The following PCDH7 variants were observed in gnomAD, a reference collection of about 807,000 sequenced individuals.
PCDH7 encodes protocadherin 7.
In PCDH7, 17 loss-of-function variants were observed where a neutral mutation model predicts 58.9. The ratio of observed to expected loss-of-function variants is 0.29; its 90% CI spans 0.20 to 0.43. The LOEUF (loss-of-function observed/expected upper bound fraction) is 0.43, where lower values mean the gene tolerates loss of function less well. Ranked by LOEUF, PCDH7 falls within the 20% of genes least tolerant of loss-of-function variation. The pLI, the probability that PCDH7 is intolerant of heterozygous loss-of-function variation, is 1.00. For missense variants in PCDH7, 1,274 were observed against 1,441.0 expected, an observed-to-expected ratio of 0.88 and a Z score of 1.88; for synonymous variants, 664 against 616.4, an observed-to-expected ratio of 1.08 and a Z score of -1.14.
Position 31,139,286 on chromosome 4 carries a change from A to C in PCDH7, c.*8-3187A>C, listed in dbSNP as rs2310307. 6.6e-3 allele frequency among the ~76,000 whole-genome samples: 1,011 copies of C among 152,312 alleles called. 15 individuals carry two copies. The highest frequency in any genetic ancestry group is 0.023 in the African/African-American group (967 of 41,582). ...GTGGAAAATGCTTACAGAGAATACT[A>C]TTTTATTTTCCTGTTGTTCATTTGT... On this transcript the variant is annotated intron_variant, in intron 3 of 3. Coordinates refer to the PCDH7 transcript ENST00000509759.
chr4:31,028,612 C>T (rs752278579), intron 3 of PCDH7, among the ~76,000 whole-genome samples: 2 of 150,700 alleles, frequency 1.3e-5, no homozygotes, highest in Non-Finnish European at 2.9e-5. Context: ...GAGGTCTTAT[C>T]GCACTACTTC....
At chr4:31,008,722 A>G (rs1411906976) in intron 3 of PCDH7, among the ~76,000 whole-genome samples, 1 of 152,086 alleles carries the variant, frequency 6.6e-6, no homozygotes, top group East Asian at 1.9e-4. Flanking sequence ...ATACCCACAG[A>G]TTGCCTGCCA....
intron 3 of PCDH7, among the ~76,000 whole-genome samples, chr4:30,979,702 T>G (rs934045966): frequency 6.6e-6 from 1 of 151,994 alleles, no homozygotes; most frequent in Admixed American, 6.6e-5. Context: ...CACTTAGATG[T>G]TTTTTGATTT....
intron 3 of PCDH7, among the ~76,000 whole-genome samples, chr4:31,097,373 G>A (rs754333374): frequency 6.6e-6 from 1 of 151,168 alleles, no homozygotes; most frequent in Admixed American, 6.6e-5. Context: ...AGAATCTCTT[G>A]AACCTGGAAG....
intron 3 of PCDH7, among the ~76,000 whole-genome samples, chr4:30,996,073 A>T (rs1267579140): frequency 6.6e-6 from 1 of 152,180 alleles, no homozygotes; most frequent in Non-Finnish European, 1.5e-5. Flanking sequence ...TTCACATCGA[A>T]TTAAATATAT....
chr4:30,917,227 ACT>A (rs1430957837), intron 1 of PCDH7, among the ~76,000 whole-genome samples: 1 of 151,682 alleles, frequency 6.6e-6, no homozygotes, highest in Admixed American at 6.6e-5. Flanking sequence ...ATTTCATCTA[ACT>A]CTGTATGTCT....
At chr4:31,145,763 C>T (rs887309789), downstream of PCDH7, 2 of 151,946 alleles carry the variant, frequency 1.3e-5, no homozygotes, top group African/African-American at 2.4e-5. Context: ...AAGATGAAAG[C>T]GTTTATTGTA....
intron 1 of PCDH7, among the ~76,000 whole-genome samples, chr4:30,879,720 C>T (rs575440875): frequency 3.9e-5 from 6 of 152,028 alleles, no homozygotes; most frequent in Non-Finnish European, 8.8e-5. Context: ...CATAACCCTG[C>T]CACTTGCAGA....
intron 3 of PCDH7, among the ~76,000 whole-genome samples, chr4:31,141,782 A>G (rs1366757119): frequency 6.6e-6 from 1 of 152,142 alleles, no homozygotes; most frequent in Admixed American, 6.6e-5. Context: ...TTTGATGTGA[A>G]CACATCAGCA....
At chr4:30,824,132 T>G (rs905415408) in intron 1 of PCDH7, among the ~76,000 whole-genome samples, 5 of 148,568 alleles carry the variant, frequency 3.4e-5, no homozygotes, top group African/African-American at 1.0e-4. Context: ...TCTTTCTTTC[T>G]TTCTTTCTTT....
intron 3 of PCDH7, among the ~76,000 whole-genome samples, chr4:30,978,888 T>C (rs1231771009): frequency 6.6e-6 from 1 of 152,154 alleles, no homozygotes; most frequent in African/African-American, 2.4e-5. Flanking sequence ...GGGATTATAA[T>C]GAAAAGTCCA....
chr4:30,946,454 T>A (rs1746687166), intron 2 of PCDH7, among the ~76,000 whole-genome samples: 1 of 152,116 alleles, frequency 6.6e-6, no homozygotes, highest in Admixed American at 6.6e-5. Flanking sequence ...CAAACTTCGC[T>A]GACTCTCCAG....
chr4:30,806,314 C>CT (rs1015557714), intron 1 of PCDH7, among the ~76,000 whole-genome samples: 34 of 148,212 alleles, frequency 2.3e-4, no homozygotes, highest in East Asian at 4.0e-4. Context: ...TAAAGATTTC[C>CT]TTTTTTTTTT....
chr4:31,043,590 A>C (rs760930896), intron 3 of PCDH7, among the ~76,000 whole-genome samples: 2 of 149,776 alleles, frequency 1.3e-5, no homozygotes, highest in Non-Finnish European at 3.0e-5. Context: ...TCTTTTGAGA[A>C]CTCTCAGTTC....
intron 1 of PCDH7, chr4:30,786,898 C>T: frequency 4.2e-6 from 1 of 235,392 alleles, no homozygotes; most frequent in Non-Finnish European, 6.9e-6. Flanking sequence ...GGCAGGATCA[C>T]TAACTGATTA....
At position 30,741,194 on chromosome 4, in the gene PCDH7, G is replaced by A. The variant is rs534777231; in HGVS notation, c.70+16598G>A. Among the ~76,000 whole-genome samples the A allele has an allele frequency of 1.3e-4, 20 of 151,944 alleles. No individual in the cohort carries two copies. In the East Asian group the frequency reaches 2.1e-3, roughly 16 times the overall value. ...TCAAAAACTAGTGAATTAACTATGC[G>A]AGGCTGTTTCCTTAGTCCACTTATG... On this transcript the variant is annotated intron_variant, in intron 1 of 3. Coordinates refer to the PCDH7 transcript ENST00000509759.
chr4:30,804,083 GT>G (rs1315534421), intron 1 of PCDH7, among the ~76,000 whole-genome samples: 1 of 152,118 alleles, frequency 6.6e-6, no homozygotes, highest in Non-Finnish European at 1.5e-5. Context: ...GTTACATTGG[GT>G]TTAAGTTTCA....
At chr4:31,074,784 CAAAAAAAAAAAA>C (rs1157267696) in intron 3 of PCDH7, among the ~76,000 whole-genome samples, 1 of 52,488 alleles carries the variant, frequency 1.9e-5, no homozygotes, top group African/African-American at 8.8e-5. Context: ...GATTCCGTCT[CAAAAAAAAAAAA>C]AAAAAAAAAA....
intron 1 of PCDH7, among the ~76,000 whole-genome samples, chr4:30,849,956 C>G (rs1172623916): frequency 6.6e-6 from 1 of 152,082 alleles, no homozygotes; most frequent in African/African-American, 2.4e-5. Context: ...TTGTTTATAA[C>G]ATTACTTTGC....
Sources: gnomAD v4.1 joint callset for allele counts (sites outside exome capture counted in the v4.1 genomes callset) on GRCh38, gnomAD v4.1.1 for gene constraint, MANE v1.5 for transcripts, NCBI Gene and HGNC (gene_info 2026-07-23, HGNC 2026-07-21) for gene names.